Variants in PIBF1 observed in about 807,000 individuals in gnomAD.
PIBF1 encodes the protein progesterone-induced-blocking factor 1.
PIBF1 carries 90 observed loss-of-function variants against 112.5 expected under a neutral mutation model. The ratio of observed to expected loss-of-function variants is 0.80; its 90% CI spans 0.67 to 0.95. PIBF1 has a LOEUF of 0.95. Among genes scored for constraint, PIBF1 ranks in the 40% least tolerant of loss-of-function variants. The probability of loss-of-function intolerance (pLI) is 0.00; values close to 1 mark genes in which losing one functional copy is unlikely to be tolerated. For synonymous variants in PIBF1, 301 were observed against 288.6 expected, an observed-to-expected ratio of 1.04 and a Z score of -0.44; for missense variants, 915 against 852.3, an observed-to-expected ratio of 1.07 and a Z score of -0.92.
intron 14 of PIBF1, among the ~76,000 whole-genome samples, chr13:72,946,293 T>G (rs1353950832): frequency 6.6e-6 from 1 of 152,088 alleles, no homozygotes; most frequent in Non-Finnish European, 1.5e-5. Context: ...GAGAACTCAC[T>G]CACTATCATG....
intron 16 of PIBF1, among the ~76,000 whole-genome samples, chr13:72,996,114 A>AAGTAAG (rs2043658651): frequency 7.4e-6 from 1 of 135,790 alleles, no homozygotes; most frequent in East Asian, 2.3e-4. Flanking sequence ...AAACAAAGTC[A>AAGTAAG]AGTAAGAGGT....
At chr13:72,981,246 T>C (rs974549567) in intron 16 of PIBF1, among the ~76,000 whole-genome samples, 50 of 151,006 alleles carry the variant, frequency 3.3e-4, no homozygotes, top group African/African-American at 1.2e-3. Flanking sequence ...AGCAAGACTC[T>C]GTCTCAAAAA....
chr13:72,884,116 A>AT (rs568593788), intron 10 of PIBF1, among the ~76,000 whole-genome samples: 39 of 152,288 alleles, frequency 2.6e-4, no homozygotes, highest in Admixed American at 7.8e-4. Context: ...AAAATTAAAG[A>AT]TTTTTTAAAA....
intron 11 of PIBF1, among the ~76,000 whole-genome samples, chr13:72,906,330 A>G (rs956762010): frequency 6.6e-6 from 1 of 152,130 alleles, no homozygotes; most frequent in South Asian, 2.1e-4. Flanking sequence ...TAATCTTTGT[A>G]TTATTCAGTT....
intron 10 of PIBF1, among the ~76,000 whole-genome samples, chr13:72,858,885 A>T (rs1192826145): frequency 6.6e-6 from 1 of 152,210 alleles, no homozygotes; most frequent in Non-Finnish European, 1.5e-5. Flanking sequence ...AAAAGGGAAG[A>T]AGGTAGTAGA....
chr13:72,819,926 T>C (rs995382379), intron 5 of PIBF1, among the ~76,000 whole-genome samples: 78 of 152,204 alleles, frequency 5.1e-4, no homozygotes, highest in African/African-American at 1.8e-3. Flanking sequence ...AATACTCCTT[T>C]GGGTTTTTTG....
At chr13:72,810,682 T>C (rs2035964607) in intron 5 of PIBF1, among the ~76,000 whole-genome samples, 1 of 152,208 alleles carries the variant, frequency 6.6e-6, no homozygotes, top group Non-Finnish European at 1.5e-5. Context: ...GTAAGGTACA[T>C]ATTTATGATG....
intron 10 of PIBF1, among the ~76,000 whole-genome samples, chr13:72,891,434 T>G (rs2040051589): frequency 6.6e-6 from 1 of 152,142 alleles, no homozygotes; most frequent in Non-Finnish European, 1.5e-5. Flanking sequence ...TAAAACAACT[T>G]GCCTCAAAGA....
intron 14 of PIBF1, among the ~76,000 whole-genome samples, chr13:72,952,333 C>A (rs536133139): frequency 3.9e-5 from 6 of 152,002 alleles, no homozygotes; most frequent in African/African-American, 1.4e-4. Flanking sequence ...AGATTACAGG[C>A]GTGAACCACC....
intron 5 of PIBF1, among the ~76,000 whole-genome samples, chr13:72,807,178 C>CAAA (rs35154761): frequency 7.2e-6 from 1 of 138,508 alleles, no homozygotes. Context: ...GGATAAGAGC[C>CAAA]AAAAAAAAAA....
chr13:72,862,130 T>C (rs775824243), intron 10 of PIBF1, among the ~76,000 whole-genome samples: 1 of 152,012 alleles, frequency 6.6e-6, no homozygotes. Flanking sequence ...AGAGATTCAA[T>C]AGAAGAAAAC....
intron 15 of PIBF1, among the ~76,000 whole-genome samples, chr13:72,968,010 C>T (rs959741776): frequency 5.3e-5 from 8 of 152,032 alleles, no homozygotes; most frequent in Middle Eastern, 3.4e-3. Flanking sequence ...ACGGTGAAAC[C>T]CTGTCTCTAC....
chr13:73,009,640 ATGG>A (rs2044136824), intron 17 of PIBF1, among the ~76,000 whole-genome samples: 1 of 152,230 alleles, frequency 6.6e-6, no homozygotes. Context: ...CATGACAGTG[ATGG>A]TGAAGTTCAC....
chr13:72,820,179 G>T (rs1566311854), intron 5 of PIBF1, among the ~76,000 whole-genome samples: 1 of 152,062 alleles, frequency 6.6e-6, no homozygotes, highest in Non-Finnish European at 1.5e-5. Context: ...AGAACTCTGA[G>T]GTAGGACACC....
At chr13:72,840,366 G>A (rs759231181) in intron 9 of PIBF1, among the ~76,000 whole-genome samples, 6 of 152,224 alleles carry the variant, frequency 3.9e-5, no homozygotes, top group Middle Eastern at 3.4e-3. Flanking sequence ...GGTTGTGTGT[G>A]TGTGTTTAGG....
chr13:72,812,136 G>A (rs1023796137), intron 5 of PIBF1, among the ~76,000 whole-genome samples: 6 of 152,138 alleles, frequency 3.9e-5, no homozygotes, highest in Admixed American at 3.3e-4. Flanking sequence ...GAAAACTCAG[G>A]AGGGACCTTA....
At chr13:72,832,841 C>T (rs1156230990) in intron 8 of PIBF1, among the ~76,000 whole-genome samples, 3 of 152,188 alleles carry the variant, frequency 2.0e-5, no homozygotes, top group Non-Finnish European at 4.4e-5. Context: ...GGAAGTTCTC[C>T]TGGATAATAT....
intron 15 of PIBF1, among the ~76,000 whole-genome samples, chr13:72,970,153 C>T (rs1251735365): frequency 1.3e-5 from 2 of 152,040 alleles, no homozygotes; most frequent in African/African-American, 4.8e-5. Context: ...ACTATTTATA[C>T]AATATATTCA....
At chr13:72,918,404 T>G (rs1248664903) in intron 13 of PIBF1, among the ~76,000 whole-genome samples, 1 of 100,334 alleles carries the variant, frequency 1.0e-5, no homozygotes, top group Non-Finnish European at 2.0e-5. Flanking sequence ...TTTTTTTTTT[T>G]GAGATGGAGT....
Sources: allele counts gnomAD v4.1 joint callset (sites outside exome capture counted in the v4.1 genomes callset), GRCh38; gene constraint gnomAD v4.1.1; transcripts MANE v1.5; gene names NCBI Gene and HGNC (gene_info 2026-07-23, HGNC 2026-07-21).